The following LRFN2 variants were observed in gnomAD, a reference collection of about 807,000 sequenced individuals.
LRFN2 encodes the protein leucine-rich repeat and fibronectin type-III domain-containing protein 2.
LRFN2 carries 18 observed loss-of-function variants against 37.3 expected under a neutral mutation model. The ratio of observed to expected loss-of-function variants is 0.48; its 90% confidence interval spans 0.33 to 0.72. The LOEUF is 0.72. Among genes scored for constraint, LRFN2 ranks in the 30% least tolerant of loss-of-function variants. LRFN2 has a pLI of 0.02. For synonymous variants in LRFN2, 556 were observed against 466.6 expected (o/e 1.19, Z -2.47); for missense variants, 1,006 against 1,060.7 (o/e 0.95, Z 0.72).
chr6:40,495,713 T>C (rs981957164), intron 1 of LRFN2, among the ~76,000 whole-genome samples: 4 of 152,166 alleles, frequency 2.6e-5, no homozygotes, highest in Admixed American at 6.5e-5. Flanking sequence ...GTTGTTCCTT[T>C]CCAGCCTCCT....
chr6:40,507,010 A>T (rs1765560865), intron 1 of LRFN2, among the ~76,000 whole-genome samples: 1 of 152,244 alleles, frequency 6.6e-6, no homozygotes, highest in African/African-American at 2.4e-5. Context: ...ACAGATCAAG[A>T]GCCATTATTA....
intron 1 of LRFN2, among the ~76,000 whole-genome samples, chr6:40,466,886 A>G (rs1561867254): frequency 1.3e-5 from 2 of 152,092 alleles, no homozygotes; most frequent in Admixed American, 6.6e-5. Context: ...AGTCATATAT[A>G]TGGGGCCGTA....
intron 1 of LRFN2, among the ~76,000 whole-genome samples, chr6:40,508,805 C>T (rs1712038989): frequency 6.6e-6 from 1 of 152,148 alleles, no homozygotes; most frequent in African/African-American, 2.4e-5. Context: ...GAGTCTTACC[C>T]GAAGCCTGGG....
chr6:40,509,328 T>C (rs1765629847), intron 1 of LRFN2, among the ~76,000 whole-genome samples: 2 of 152,276 alleles, frequency 1.3e-5, no homozygotes, highest in South Asian at 4.1e-4. Context: ...GCAAGCCTGG[T>C]TTGACTGTCA....
At chr6:40,506,502 C>A (rs193144252) in intron 1 of LRFN2, among the ~76,000 whole-genome samples, 1 of 152,096 alleles carries the variant, frequency 6.6e-6, no homozygotes, top group Non-Finnish European at 1.5e-5. Context: ...AGGAGTGGAG[C>A]CTTGATCTAG....
chr6:40,462,103 T>C (rs1764360280), intron 1 of LRFN2, among the ~76,000 whole-genome samples: 1 of 152,156 alleles, frequency 6.6e-6, no homozygotes. Flanking sequence ...AGAGCAGTAA[T>C]TACTGCAAGA....
At chr6:40,492,458 A>C (rs535696994) in intron 1 of LRFN2, among the ~76,000 whole-genome samples, 1 of 152,210 alleles carries the variant, frequency 6.6e-6, no homozygotes, top group Non-Finnish European at 1.5e-5. Context: ...CCACATGTGC[A>C]ACAATTTAAC....
At chr6:40,404,305 T>C (rs1260961041) in intron 2 of LRFN2, among the ~76,000 whole-genome samples, 1 of 152,204 alleles carries the variant, frequency 6.6e-6, no homozygotes, top group African/African-American at 2.4e-5. Flanking sequence ...TTTTTGTTTT[T>C]TTTTGCCTGT....
intron 2 of LRFN2, among the ~76,000 whole-genome samples, chr6:40,400,421 C>CT (rs34460828): frequency 0.65 from 83,976 of 128,656 alleles, 28,410 homozygotes; most frequent in South Asian, 0.82. Context: ...GGTACTTTTC[C>CT]TTTTTTTTTT....
intron 1 of LRFN2, among the ~76,000 whole-genome samples, chr6:40,472,853 CAGTG>C (rs1376858443): frequency 1.3e-5 from 2 of 152,160 alleles, no homozygotes; most frequent in Non-Finnish European, 2.9e-5. Flanking sequence ...TCTGAACTTT[CAGTG>C]AGTGTGTTTC....
intron 1 of LRFN2, among the ~76,000 whole-genome samples, chr6:40,522,637 A>C (rs1766116038): frequency 6.6e-6 from 1 of 152,120 alleles, no homozygotes. Context: ...GGACCGTATA[A>C]ATTTTGCTGT....
intron 1 of LRFN2, among the ~76,000 whole-genome samples, chr6:40,512,061 G>T (rs1462782071): frequency 6.6e-6 from 1 of 152,214 alleles, no homozygotes; most frequent in Non-Finnish European, 1.5e-5. Context: ...CAGACTTTTG[G>T]ACGCTTAAAA....
Position 40,523,505 on chromosome 6 carries a change from ATTTTTT to A in LRFN2, c.-19+63430_-19+63435del, listed in dbSNP as rs751179915. 9.2e-3 allele frequency among the ~76,000 whole-genome samples: 1,196 copies of A among 129,306 alleles called. 49 individuals are homozygous for A. The highest frequency in any genetic ancestry group is 0.03 in the African/African-American group (1,064 of 35,960). The allele number at this position is 129,306 out of a possible 152,430, so 84.8% of individuals were successfully genotyped here. ...TAGGACCCTAAAGCATCTTTAGGTGATTTTTTTTTTTTTTTTTTTTTTTTTTTTTTA... is the reference window on the plus strand; with the variant it reads ...TAGGACCCTAAAGCATCTTTAGGTGATTTTTTTTTTTTTTTTTTTTTTTTA... On this transcript the variant is annotated intron_variant, in intron 1 of 2. Coordinates refer to ENST00000338305, the MANE Select transcript of LRFN2 (RefSeq NM_020737.3).
intron 1 of LRFN2, among the ~76,000 whole-genome samples, chr6:40,541,715 G>T (rs1766558444): frequency 6.6e-6 from 1 of 152,160 alleles, no homozygotes. Flanking sequence ...TAGGTAACAG[G>T]TCACAGCTGC....
intron 1 of LRFN2, among the ~76,000 whole-genome samples, chr6:40,514,337 C>T (rs1282415926): frequency 2.0e-5 from 3 of 151,934 alleles, no homozygotes; most frequent in Non-Finnish European, 2.9e-5. Flanking sequence ...TTTTTCTAGA[C>T]GGAATCTTGC....
intron 1 of LRFN2, among the ~76,000 whole-genome samples, chr6:40,531,452 C>T (rs1766339110): frequency 6.6e-6 from 1 of 152,142 alleles, no homozygotes; most frequent in African/African-American, 2.4e-5. Context: ...GTTTACATTT[C>T]CTCTGTGTTT....
intron 1 of LRFN2, among the ~76,000 whole-genome samples, chr6:40,520,478 G>A (rs1339683709): frequency 6.6e-6 from 1 of 152,170 alleles, no homozygotes. Context: ...CCCATTGCAG[G>A]AGAAGCCCCC....
chr6:40,510,609 G>A (rs75930776), intron 1 of LRFN2, among the ~76,000 whole-genome samples: 6,231 of 152,358 alleles, frequency 0.041, 171 homozygotes, highest in Middle Eastern at 0.1. Context: ...GGGGTGATAA[G>A]AGCTGTGCCC....
chr6:40,561,455 T>G (rs927360929), intron 1 of LRFN2, among the ~76,000 whole-genome samples: 2 of 152,204 alleles, frequency 1.3e-5, no homozygotes, highest in Admixed American at 1.3e-4. Context: ...CCATGAGCAC[T>G]GTTTCTATGG....
Sources: allele counts gnomAD v4.1 joint callset (sites outside exome capture counted in the v4.1 genomes callset), GRCh38; gene constraint gnomAD v4.1.1; transcripts MANE v1.5; gene names NCBI Gene and HGNC (gene_info 2026-07-23, HGNC 2026-07-21).